MYH11: variants seen among roughly 807,000 people sequenced by gnomAD.
MYH11 encodes the protein myosin heavy chain 11.
In MYH11, 80 loss-of-function variants were observed where a neutral mutation model predicts 246.6. The observed-to-expected ratio is 0.32, with a 90% confidence interval of 0.27 to 0.39. The LOEUF (loss-of-function observed/expected upper bound fraction) is 0.39, where lower values mean the gene tolerates loss of function less well. Ranked by LOEUF, MYH11 falls within the 10% of genes least tolerant of loss-of-function variation. The probability of loss-of-function intolerance (pLI) is 1.00; values close to 1 mark genes in which losing one functional copy is unlikely to be tolerated. For missense variants in MYH11, 2,158 were observed against 2,546.8 expected (o/e 0.85, Z 3.29); for synonymous variants, 1,071 against 1,015.5 (o/e 1.05, Z -1.04).
At chr16:15,830,434 A>C (rs984681315) in intron 2 of MYH11, among the ~76,000 whole-genome samples, 1 of 152,182 alleles carries the variant, frequency 6.6e-6, no homozygotes, top group Admixed American at 6.5e-5. Flanking sequence ...CTATAGCAGA[A>C]GACTGTGCAG....
At position 15,765,930 on chromosome 16, in the gene MYH11, C is replaced by T. The variant is rs1444036936; in HGVS notation, c.1034-2039G>A. 6.6e-5 allele frequency among the ~76,000 whole-genome samples: 10 copies of T among 152,160 alleles called. No individual in the cohort carries two copies. The East Asian group carries it at 1.7e-3, about 26-fold the overall frequency. On this transcript the variant is annotated intron_variant, in intron 9 of 40. Coordinates refer to ENST00000300036, the MANE Select transcript of MYH11 (RefSeq NM_002474.3). ...AAATGCCTGCACAGCCCAGGCGAGC[C>T]GGCCAACTCAGGGTTTCTCAATCTT...
chr16:15,740,150 C>G lies in MYH11; in HGVS notation c.2898G>C (p.Arg966Ser). The change falls in exon 23 of 41, where the codon AGG becomes AGC. Residue 966 changes from arginine to serine, a missense_variant. Coordinates refer to ENST00000300036, the MANE Select transcript of MYH11 (RefSeq NM_002474.3). ...EEQLEEEEAA[R>S]QKLQLEKVTA... ...TGACCTTCTCAAGTTGCAGCTTCTGCCTGGCAGCTTCCTCCTCCTCCAGCT... is the reference window on the plus strand; with the variant it reads ...TGACCTTCTCAAGTTGCAGCTTCTGGCTGGCAGCTTCCTCCTCCTCCAGCT... 1 of 1,614,202 alleles carries G rather than the reference C, an allele frequency of 6.2e-7. No homozygotes were observed.
chr16:15,771,502 A>G (rs1255558739), intron 9 of MYH11, 67 bp downstream of exon 9: 2 of 1,569,098 alleles, frequency 1.3e-6, no homozygotes, highest in African/African-American at 1.4e-5. Flanking sequence ...TGACCAGAGA[A>G]GAGTTCTTAA....
At chr16:15,739,248 C>T (rs1271796972) in intron 23 of MYH11, among the ~76,000 whole-genome samples, 18 of 151,758 alleles carry the variant, frequency 1.2e-4, no homozygotes, top group Admixed American at 1.1e-3. Flanking sequence ...TACAGGCGCC[C>T]GCCAACACAC....
rs141743681 is a variant in MYH11, at chr16:15,748,712, C to A, written c.2059-544G>T. On this transcript the variant is annotated intron_variant, in intron 16 of 40. Coordinates refer to ENST00000300036, the MANE Select transcript of MYH11 (RefSeq NM_002474.3). ...CTCACTGCAGCCTCAAACTCCTGGG[C>A]TCAAGTGATCCTCCCAAATCAGCCT... Among the ~76,000 whole-genome samples, 436 of 152,200 alleles carry A rather than the reference C, an allele frequency of 2.9e-3. 2 individuals are homozygous for A. The highest frequency in any genetic ancestry group is 9.8e-3 in the African/African-American group (405 of 41,534).
intron 20 of MYH11, 33 bp downstream of exon 20, chr16:15,745,096 C>T (rs760524176): frequency 1.3e-6 from 2 of 1,553,720 alleles, no homozygotes; most frequent in East Asian, 2.2e-5. Context: ...GGGCTGGGGG[C>T]CCCTGGGAAG....
In MYH11 at chr16:15,741,802, C is replaced by T. The variant is rs1169674165; in HGVS notation, c.2610G>A (p.Lys870=). 6.2e-7 allele frequency: 1 copy of T among 1,614,230 alleles called. No individual in the cohort carries two copies. The change falls in exon 21 of 41, where the codon AAG becomes AAA. Residue 870 remains lysine (K), a synonymous_variant. Coordinates refer to ENST00000300036, the MANE Select transcript of MYH11 (RefSeq NM_002474.3). ...ELQKTKERQQ[K]AENELKELEQ... ...CCAGCTCCTTAAGCTCATTCTCTGC[C>T]TTCTGCTGCCGCTCCTTGGTCTTCT... is the stretch of plus-strand genomic sequence containing the variant.
chr16:15,807,875 G>C (rs932136432), intron 3 of MYH11, among the ~76,000 whole-genome samples: 1 of 152,202 alleles, frequency 6.6e-6, no homozygotes, highest in African/African-American at 2.4e-5. Context: ...GCTCCCCACA[G>C]ACCAGCTATT....
chr16:15,763,741 T>TGGGGGGGGGCCCCCCCCCCCCCC, intron 10 of MYH11, 55 bp downstream of exon 10: 3 of 646,860 alleles, frequency 4.6e-6, no homozygotes, highest in African/African-American at 2.1e-5. Flanking sequence ...AAATGTCACC[T>TGGGGGGGGGCCCCCCCCCCCCCC]CCCCCACCCC....
intron 20 of MYH11, 42 bp from the exon 21 acceptor site, chr16:15,741,933 A>G: frequency 6.2e-7 from 1 of 1,613,314 alleles, no homozygotes; most frequent in Non-Finnish European, 8.5e-7. Context: ...TTTGTGGCAA[A>G]GGGATATGTT....
At chr16:15,773,228 G>A (rs911512857) in intron 8 of MYH11, among the ~76,000 whole-genome samples, 1 of 151,362 alleles carries the variant, frequency 6.6e-6, no homozygotes, top group Admixed American at 6.6e-5. Context: ...AGTATCTAGT[G>A]ACTTCCTGCT....
At chr16:15,777,767 G>A (rs2042258790) in intron 7 of MYH11, among the ~76,000 whole-genome samples, 1 of 152,138 alleles carries the variant, frequency 6.6e-6, no homozygotes, top group Non-Finnish European at 1.5e-5. Flanking sequence ...ACCAAGGGCT[G>A]TGCATATTAT....
At chr16:15,822,888 C>G (rs896503468) in intron 3 of MYH11, among the ~76,000 whole-genome samples, 1 of 152,218 alleles carries the variant, frequency 6.6e-6, no homozygotes, top group African/African-American at 2.4e-5. Context: ...AGATATTTAC[C>G]CACAGTCCCA....
chr16:15,769,707 G>A (rs559221496), intron 9 of MYH11, among the ~76,000 whole-genome samples: 8 of 152,338 alleles, frequency 5.3e-5, no homozygotes, highest in African/African-American at 9.6e-5. Context: ...AATTACAGGC[G>A]TGAGCCACCA....
chr16:15,853,140 T>C (rs968840992), intron 1 of MYH11, among the ~76,000 whole-genome samples: 1 of 152,080 alleles, frequency 6.6e-6, no homozygotes, highest in African/African-American at 2.4e-5. Context: ...TACAGTAAAG[T>C]TCTATGCCCC....
chr16:15,808,388 C>T (rs1280146455), intron 3 of MYH11, among the ~76,000 whole-genome samples: 1 of 152,150 alleles, frequency 6.6e-6, no homozygotes, highest in Non-Finnish European at 1.5e-5. Context: ...AAGTAATAGC[C>T]GGGGCAGAGC....
At chr16:15,819,397 T>C (rs946263589) in intron 3 of MYH11, among the ~76,000 whole-genome samples, 1 of 152,046 alleles carries the variant, frequency 6.6e-6, no homozygotes, top group Non-Finnish European at 1.5e-5. Context: ...AGGAGGTGAG[T>C]AGTGGGCTTC....
chr16:15,722,695 G>A (rs895607693), intron 31 of MYH11, among the ~76,000 whole-genome samples: 1 of 152,162 alleles, frequency 6.6e-6, no homozygotes, highest in Non-Finnish European at 1.5e-5. Flanking sequence ...TCAGGGAGGG[G>A]TAGGGAACCT....
At chr16:15,846,832 C>T (rs1362829268) in intron 1 of MYH11, among the ~76,000 whole-genome samples, 1 of 152,068 alleles carries the variant, frequency 6.6e-6, no homozygotes, top group East Asian at 1.9e-4. Context: ...TGTGCACCTG[C>T]AGTCCCAGCT....
Sources: gnomAD v4.1 joint callset for allele counts (sites outside exome capture counted in the v4.1 genomes callset) on GRCh38, gnomAD v4.1.1 for gene constraint, MANE v1.5 for transcripts, NCBI Gene and HGNC (gene_info 2026-07-23, HGNC 2026-07-21) for gene names.